The following RNF185 variants were observed in gnomAD, a reference collection of about 807,000 sequenced individuals.
RNF185 encodes the protein E3 ubiquitin-protein ligase RNF185.
A neutral mutation model predicts 24.9 loss-of-function variants in RNF185; 13 were observed. That is an observed-to-expected ratio of 0.52 (90% CI 0.34 to 0.83). RNF185 has a LOEUF of 0.83. Among genes scored for constraint, RNF185 ranks in the 40% least tolerant of loss-of-function variants. The pLI is 0.01. For synonymous variants in RNF185, 79 were observed against 90.3 expected (o/e 0.88, Z 0.71); for missense variants, 184 against 244.7 (o/e 0.75, Z 1.65).
intron 1 of RNF185, among the ~76,000 whole-genome samples, chr22:31,185,504 A>G (rs1602827290): frequency 6.6e-6 from 1 of 152,304 alleles, no homozygotes; most frequent in African/African-American, 2.4e-5. Flanking sequence ...CTGGAGAGGC[A>G]CAGTCTAAGA....
At chr22:31,179,507 AAGTC>A (rs2048013729) in intron 1 of RNF185, among the ~76,000 whole-genome samples, 1 of 152,218 alleles carries the variant, frequency 6.6e-6, no homozygotes, top group Non-Finnish European at 1.5e-5. Flanking sequence ...GAGTTGACCA[AAGTC>A]AGTCATGCGT....
At chr22:31,185,666 G>A (rs549794650) in intron 1 of RNF185, among the ~76,000 whole-genome samples, 1 of 152,314 alleles carries the variant, frequency 6.6e-6, no homozygotes, top group South Asian at 2.1e-4. Context: ...CTCTGACTGT[G>A]GTAGCCAGCG....
In RNF185 at chr22:31,187,126, C is replaced by G. The variant is rs143468546; in HGVS notation, c.32C>G (p.Ser11Cys). The G allele has an allele frequency of 3.1e-6, 5 of 1,611,344 alleles. No homozygotes were observed. Among genetic ancestry groups the G allele is most frequent in the Non-Finnish European group, 4.2e-6 (5 of 1,178,892 alleles). ...AGCAAGGGGCCCTCGGCCTCTGCAT[C>G]TCCTGAGAACTCCAGTGCAGGGGGG... MASKGPSASA[S>C]PENSSAGGPS... Residue 11 changes from serine to cysteine, a missense_variant, in exon 2 of 7, where the codon TCT becomes TGT. Physicochemically the swap from Ser to Cys is moderately radical, Grantham distance 112. Coordinates refer to ENST00000326132, the MANE Select transcript of RNF185 (RefSeq NM_152267.4).
chr22:31,182,036 C>G (rs2048042662), intron 1 of RNF185, among the ~76,000 whole-genome samples: 1 of 149,036 alleles, frequency 6.7e-6, no homozygotes, highest in South Asian at 2.1e-4. Context: ...AAATGTGTCT[C>G]TAGCAGATCA....
chr22:31,160,884 A>G (rs756719779), intron 1 of RNF185, among the ~76,000 whole-genome samples: 24 of 152,166 alleles, frequency 1.6e-4, no homozygotes, highest in Non-Finnish European at 3.4e-4. Flanking sequence ...CTGGTTTAGA[A>G]TCTGAACTTA....
chr22:31,184,288 C>T (rs1434545124), intron 1 of RNF185, among the ~76,000 whole-genome samples: 4 of 151,864 alleles, frequency 2.6e-5, no homozygotes, highest in Admixed American at 6.6e-5. Flanking sequence ...GGGTCGCGGC[C>T]TGGCAGAGGC....
In RNF185 at chr22:31,205,327, TC is replaced by T. The variant is rs2048304858; in HGVS notation, c.*744del. Reference sequence around the variant, plus strand: ...AGACATGTGGCTTAACTCACAGGTTTCCCATCAGCTTTCTCCCTAAAACTAT... The same window carrying T: ...AGACATGTGGCTTAACTCACAGGTTTCCATCAGCTTTCTCCCTAAAACTAT... On this transcript the variant is annotated 3_prime_UTR_variant, in exon 7 of 7. Transcript: ENST00000326132. 5.9e-6 allele frequency: 1 copy of T among 168,816 alleles called. No homozygotes were observed. The highest frequency in any genetic ancestry group is 2.4e-5 in the African/African-American group (1 of 41,604). The allele number at this position is 168,816 out of a possible 1,614,324, so 10.5% of individuals were successfully genotyped here. A position where few individuals can be genotyped will look rare whatever the true frequency, so the allele number is the denominator to read the frequency against.
chr22:31,179,595 T>C (rs1417986453), intron 1 of RNF185, among the ~76,000 whole-genome samples: 1 of 152,174 alleles, frequency 6.6e-6, no homozygotes, highest in Non-Finnish European at 1.5e-5. Flanking sequence ...GACCATGTGG[T>C]GTCTACTAAG....
At chr22:31,167,482 A>C (rs1231510885) in intron 1 of RNF185, among the ~76,000 whole-genome samples, 1 of 151,952 alleles carries the variant, frequency 6.6e-6, no homozygotes, top group Non-Finnish European at 1.5e-5. Context: ...TCCTCCCCCC[A>C]GCTCCTGGTA....
intron 1 of RNF185, 43 bp from the exon 2 acceptor site, chr22:31,187,004 G>A: frequency 1.5e-6 from 2 of 1,326,502 alleles, no homozygotes; most frequent in Non-Finnish European, 2.1e-6. Context: ...GCTGGGGGGA[G>A]AGGGCTGCAG....
At chr22:31,168,158 CTAAG>C (rs1194412324) in intron 1 of RNF185, among the ~76,000 whole-genome samples, 1 of 152,176 alleles carries the variant, frequency 6.6e-6, no homozygotes, top group Non-Finnish European at 1.5e-5. Flanking sequence ...TTTGTTTACT[CTAAG>C]TACGTCATAT....
intron 1 of RNF185, among the ~76,000 whole-genome samples, chr22:31,160,972 T>C (rs909809961): frequency 1.3e-5 from 2 of 152,200 alleles, no homozygotes; most frequent in Admixed American, 1.3e-4. Context: ...GCACTAGATA[T>C]CCATTCTTCG....
rs766520075 is a variant in RNF185 at position 31,196,977 on chromosome 22, C to A, written c.350C>A (p.Pro117Gln). Residue 117 changes from proline to glutamine, a missense_variant, in exon 5 of 7, where the codon CCG becomes CAG. Transcript: ENST00000326132. Reference sequence around the variant, plus strand: ...CGTCCTCAAGGACAGAGGCCAGAGCCGGAGAATAGAGGGGTGAGGAACATT... The same window carrying A: ...CGTCCTCAAGGACAGAGGCCAGAGCAGGAGAATAGAGGGGTGAGGAACATT... Reference protein sequence around the residue: ...PPRPQGQRPEPENRGGFQGFG... With the variant: ...PPRPQGQRPEQENRGGFQGFG... 1 of 1,613,498 alleles carries A rather than the reference C, an allele frequency of 6.2e-7. No individual in the cohort carries two copies. Among genetic ancestry groups the A allele is most frequent in the Non-Finnish European group, 8.5e-7 (1 of 1,179,648 alleles).
intron 1 of RNF185, among the ~76,000 whole-genome samples, chr22:31,182,091 C>A (rs1311213048): frequency 1.4e-5 from 2 of 144,520 alleles, no homozygotes; most frequent in Admixed American, 7.0e-5. Context: ...TTATACCCAA[C>A]AAAATTAACA....
chr22:31,187,307 C>T, intron 2 of RNF185, 37 bp downstream of exon 2: 1 of 1,609,194 alleles, frequency 6.2e-7, no homozygotes, highest in Non-Finnish European at 8.5e-7. Context: ...GAGCACATTG[C>T]CAAGTTTGGA....
chr22:31,184,519 C>T (rs2048077179), intron 1 of RNF185, among the ~76,000 whole-genome samples: 1 of 152,136 alleles, frequency 6.6e-6, no homozygotes, highest in African/African-American at 2.4e-5. Flanking sequence ...GGGGTGGCGG[C>T]CGGGCAGAGG....
chr22:31,187,370 A>ACC, intron 2 of RNF185, 100 bp downstream of exon 2: 1 of 1,291,038 alleles, frequency 7.7e-7, no homozygotes, highest in Non-Finnish European at 1.1e-6. Context: ...TCACTTTGGG[A>ACC]ATACACTCAG....
At chr22:31,172,539 A>G (rs936879370) in intron 1 of RNF185, among the ~76,000 whole-genome samples, 2 of 152,124 alleles carry the variant, frequency 1.3e-5, no homozygotes, top group Non-Finnish European at 2.9e-5. Context: ...ACCTGAGGTC[A>G]GGAGTTCAAG....
intron 1 of RNF185, among the ~76,000 whole-genome samples, chr22:31,184,425 T>C (rs1016680210): frequency 1.1e-4 from 17 of 148,714 alleles, no homozygotes; most frequent in African/African-American, 4.3e-4. Flanking sequence ...GCTCCTCACT[T>C]CCCAGACTGG....
Sources: gnomAD v4.1 joint callset for allele counts (sites outside exome capture counted in the v4.1 genomes callset) on GRCh38, gnomAD v4.1.1 for gene constraint, MANE v1.5 for transcripts, NCBI Gene and HGNC (gene_info 2026-07-23, HGNC 2026-07-21) for gene names.